The following EDIL3 variants were observed in gnomAD, a reference collection of about 807,000 sequenced individuals.
EDIL3 encodes EGF like and discoidin domains 3.
In EDIL3, 37 loss-of-function variants were observed where a neutral mutation model predicts 67.4. That is an observed-to-expected ratio of 0.55 (90% CI 0.42 to 0.72). EDIL3 has a LOEUF of 0.72. Ranked by LOEUF, EDIL3 falls within the 30% of genes least tolerant of loss-of-function variation. The pLI is 0.00. For missense variants in EDIL3, 527 were observed against 586.3 expected, an observed-to-expected ratio of 0.90 and a Z score of 1.04; for synonymous variants, 195 against 196.3, an observed-to-expected ratio of 0.99 and a Z score of 0.05.
intron 9 of EDIL3, among the ~76,000 whole-genome samples, chr5:83,983,742 CTTTT>C (rs550782079): frequency 7.9e-6 from 1 of 126,926 alleles, no homozygotes; most frequent in Non-Finnish European, 1.7e-5. Context: ...CAGGGACTTT[CTTTT>C]TTTTTTTTTT....
At chr5:84,301,278 AG>A (rs1746156357) in intron 1 of EDIL3, among the ~76,000 whole-genome samples, 1 of 138,344 alleles carries the variant, frequency 7.2e-6, no homozygotes. Context: ...CAAAAAAAAA[AG>A]AAAAAAAAAA....
At chr5:84,172,357 G>A (rs1748826303) in intron 4 of EDIL3, among the ~76,000 whole-genome samples, 1 of 152,048 alleles carries the variant, frequency 6.6e-6, no homozygotes, top group Non-Finnish European at 1.5e-5. Flanking sequence ...CAAGGTGGGG[G>A]AATTGCTTGA....
intron 3 of EDIL3, among the ~76,000 whole-genome samples, chr5:84,224,511 T>C (rs532749144): frequency 1.6e-4 from 25 of 151,616 alleles, no homozygotes; most frequent in African/African-American, 5.3e-4. Flanking sequence ...GTATCTATTA[T>C]GAAACTTAAA....
intron 9 of EDIL3, among the ~76,000 whole-genome samples, chr5:84,009,992 C>T (rs534189997): frequency 6.6e-6 from 1 of 152,336 alleles, no homozygotes; most frequent in East Asian, 1.9e-4. Context: ...AACTTCCTCA[C>T]TTCATAAAGG....
intron 9 of EDIL3, among the ~76,000 whole-genome samples, chr5:84,000,811 A>G (rs1006187261): frequency 1.3e-5 from 2 of 152,030 alleles, no homozygotes; most frequent in Non-Finnish European, 2.9e-5. Context: ...ATTAATAATA[A>G]GATGTACTTT....
At chr5:84,143,480 A>G (rs1273508964) in intron 4 of EDIL3, among the ~76,000 whole-genome samples, 3 of 152,078 alleles carry the variant, frequency 2.0e-5, no homozygotes, top group Non-Finnish European at 2.9e-5. Flanking sequence ...TTCTCTGTCC[A>G]TCTCTATCCT....
intron 5 of EDIL3, among the ~76,000 whole-genome samples, chr5:84,132,305 A>ATATATTATATATATTTTATATATAC (rs1747984144): frequency 1.4e-5 from 1 of 70,882 alleles, no homozygotes; most frequent in African/African-American, 4.6e-5. Context: ...TTTATATATA[A>ATATATTATATATATTTTATATATAC]TATATATTAT....
chr5:83,949,998 C>A (rs1038061035), intron 10 of EDIL3, among the ~76,000 whole-genome samples: 2 of 151,766 alleles, frequency 1.3e-5, no homozygotes, highest in African/African-American at 4.8e-5. Flanking sequence ...TCAACCATGT[C>A]TAAATGTAGG....
intron 1 of EDIL3, among the ~76,000 whole-genome samples, chr5:84,278,970 G>C (rs138971260): frequency 3.4e-3 from 516 of 152,062 alleles, no homozygotes; most frequent in African/African-American, 0.011. Flanking sequence ...CCCTCCCCTA[G>C]ATTTACTACT....
chr5:84,049,895 T>A (rs1746298089), intron 9 of EDIL3, among the ~76,000 whole-genome samples: 1 of 151,902 alleles, frequency 6.6e-6, no homozygotes, highest in African/African-American at 2.4e-5. Flanking sequence ...TTAGGTAGGA[T>A]CACCTCTTAA....
chr5:84,100,877 C>G (rs933907776), intron 6 of EDIL3, among the ~76,000 whole-genome samples: 1 of 151,942 alleles, frequency 6.6e-6, no homozygotes, highest in Non-Finnish European at 1.5e-5. Context: ...TATGCTATTC[C>G]ATTTAAATTG....
intron 9 of EDIL3, among the ~76,000 whole-genome samples, chr5:84,051,674 C>G (rs6452562): frequency 0.37 from 55,522 of 152,034 alleles, 11,260 homozygotes; most frequent in African/African-American, 0.55. Context: ...ACAAGCTTCA[C>G]TAGCCGATTT....
intron 2 of EDIL3, among the ~76,000 whole-genome samples, chr5:84,252,587 T>G (rs1001795312): frequency 2.6e-5 from 4 of 151,778 alleles, no homozygotes; most frequent in Non-Finnish European, 5.9e-5. Context: ...TTTGGATCTT[T>G]CAAATAGTGC....
chr5:84,240,373 G>T (rs1744772223), intron 2 of EDIL3, among the ~76,000 whole-genome samples: 1 of 152,074 alleles, frequency 6.6e-6, no homozygotes, highest in Middle Eastern at 3.2e-3. Context: ...GGATAATTTT[G>T]GAAATAACAT....
intron 9 of EDIL3, among the ~76,000 whole-genome samples, chr5:83,983,065 G>A (rs554078432): frequency 6.6e-6 from 1 of 152,210 alleles, no homozygotes; most frequent in African/African-American, 2.4e-5. Context: ...TTATTTGCTC[G>A]AGTGAAAAGC....
intron 2 of EDIL3, among the ~76,000 whole-genome samples, chr5:84,242,590 A>G (rs1425622666): frequency 1.3e-5 from 2 of 151,790 alleles, no homozygotes; most frequent in Admixed American, 6.6e-5. Context: ...TTGAGCCCAG[A>G]AGTTCAAGAT....
chr5:84,122,415 G>C (rs1747792515), intron 5 of EDIL3, among the ~76,000 whole-genome samples: 1 of 151,892 alleles, frequency 6.6e-6, no homozygotes, highest in African/African-American at 2.4e-5. Flanking sequence ...ACAACGTGCA[G>C]GTTTGTTACA....
intron 1 of EDIL3, among the ~76,000 whole-genome samples, chr5:84,261,650 A>G (rs1745224122): frequency 6.6e-6 from 1 of 152,178 alleles, no homozygotes; most frequent in Non-Finnish European, 1.5e-5. Flanking sequence ...AGAATCTGCT[A>G]TTTTACTGGT....
At chr5:84,128,362 G>T (rs1341569331) in intron 5 of EDIL3, among the ~76,000 whole-genome samples, 1 of 152,064 alleles carries the variant, frequency 6.6e-6, no homozygotes, top group Non-Finnish European at 1.5e-5. Context: ...AATCCCGGTG[G>T]TTTGTGCTAT....
Sources: gnomAD v4.1 joint callset for allele counts (sites outside exome capture counted in the v4.1 genomes callset) on GRCh38, gnomAD v4.1.1 for gene constraint, MANE v1.5 for transcripts, NCBI Gene and HGNC (gene_info 2026-07-23, HGNC 2026-07-21) for gene names.